The following LIG1 variants were observed in gnomAD, a reference collection of about 807,000 sequenced individuals.
LIG1 encodes the protein DNA ligase 1, also known as ligase I, DNA, ATP-dependent.
In LIG1, 70 loss-of-function variants were observed where a neutral mutation model predicts 115.7. The ratio of observed to expected loss-of-function variants is 0.60; its 90% CI spans 0.50 to 0.74. The LOEUF (loss-of-function observed/expected upper bound fraction) is 0.74. Ranked by LOEUF, LIG1 falls within the 30% of genes least tolerant of loss-of-function variation. The pLI is 0.00. For synonymous variants in LIG1, 487 were observed against 495.3 expected (o/e 0.98, Z 0.22); for missense variants, 1,115 against 1,225.6 (o/e 0.91, Z 1.35).
chr19:48,140,019 G>A lies in LIG1; in HGVS notation c.1039C>T (p.Leu347Phe). 6.2e-7 allele frequency: 1 copy of A among 1,614,150 alleles called. No individual in the cohort carries two copies. The highest frequency in any genetic ancestry group is 8.5e-7 in the Non-Finnish European group (1 of 1,180,052). The change falls in exon 12 of 28, where the codon CTT becomes TTT. Residue 347 changes from leucine (L) to phenylalanine (F), a missense_variant. Coordinates refer to ENST00000263274, the MANE Select transcript of LIG1 (RefSeq NM_000234.3). ...HLGPPQQGLELGVGDGVLLKA... is the reference protein window; with the variant it reads ...HLGPPQQGLEFGVGDGVLLKA... ...AGAAGGACACCATCACCCACGCCAA[G>A]CTCCAGGCCCTGCTGGGGTGGCCCA... is the stretch of plus-strand genomic sequence containing the variant.
intron 1 of LIG1, among the ~76,000 whole-genome samples, chr19:48,169,208 G>A (rs935145490): frequency 6.6e-6 from 1 of 152,194 alleles, no homozygotes; most frequent in Non-Finnish European, 1.5e-5. Context: ...CTGGGGAGGA[G>A]TTCTTATGTG....
chr19:48,144,961 G>T (rs1480075412), intron 9 of LIG1, among the ~76,000 whole-genome samples: 1 of 152,124 alleles, frequency 6.6e-6, no homozygotes, highest in Non-Finnish European at 1.5e-5. Context: ...GCCCAGGCTA[G>T]AGTGCAGTGG....
chr19:48,165,129 C>T (rs940872906), intron 2 of LIG1, among the ~76,000 whole-genome samples: 2 of 152,072 alleles, frequency 1.3e-5, no homozygotes, highest in South Asian at 4.1e-4. Flanking sequence ...CGTGGTGGCA[C>T]GTGCCTATAA....
At position 48,161,408 on chromosome 19, in the gene LIG1, T is replaced by C; in HGVS notation, c.207A>G (p.Glu69=). 1 of 1,614,178 alleles carries C rather than the reference T, an allele frequency of 6.2e-7. No homozygotes were observed. Among genetic ancestry groups the C allele is most frequent in the Non-Finnish European group, 8.5e-7 (1 of 1,180,038 alleles). The change falls in exon 4 of 28, where the codon GAA becomes GAG. Residue 69 remains glutamate, a synonymous_variant. Coordinates refer to ENST00000263274, the MANE Select transcript of LIG1 (RefSeq NM_000234.3). ...CAGGGCTAAGGGCTTCATCCTCCTC[T>C]TCCCCTTCGCTGCCCAGGACCCGGG... ...KAARVLGSEG[E]EEDEALSPAK... is the part of the protein sequence containing the mutation.
chr19:48,151,829 G>A (rs1012232788), intron 6 of LIG1, among the ~76,000 whole-genome samples: 10 of 152,222 alleles, frequency 6.6e-5, no homozygotes, highest in Admixed American at 2.0e-4. Flanking sequence ...CTATGTAGCC[G>A]AGACATAAAT....
At chr19:48,130,207 T>C (rs1286014802) in intron 19 of LIG1, among the ~76,000 whole-genome samples, 1 of 152,218 alleles carries the variant, frequency 6.6e-6, no homozygotes, top group Non-Finnish European at 1.5e-5. Flanking sequence ...TTAAGAAAAT[T>C]GATTTAAAGA....
At chr19:48,120,940 C>T (rs890120750) in intron 24 of LIG1, 39 of 1,379,042 alleles carry the variant, frequency 2.8e-5, no homozygotes, top group Non-Finnish European at 3.4e-5. Context: ...TGTAGCTAAT[C>T]TCAATCTCTC....
At chr19:48,162,662 T>C (rs1273104425) in intron 2 of LIG1, among the ~76,000 whole-genome samples, 1 of 152,142 alleles carries the variant, frequency 6.6e-6, no homozygotes, top group African/African-American at 2.4e-5. Flanking sequence ...CTCGATCTCC[T>C]GACCTTGTGA....
chr19:48,138,801 TTC>T (rs1226560228), intron 12 of LIG1, among the ~76,000 whole-genome samples: 1 of 152,160 alleles, frequency 6.6e-6, no homozygotes, highest in Non-Finnish European at 1.5e-5. Flanking sequence ...TAGTTGGGTT[TTC>T]TGTTACCTGC....
intron 9 of LIG1, among the ~76,000 whole-genome samples, chr19:48,144,319 G>A (rs1037457715): frequency 2.0e-5 from 3 of 152,164 alleles, no homozygotes; most frequent in Non-Finnish European, 2.9e-5. Context: ...AGCAGGGGAC[G>A]AGCATTCCAG....
At chr19:48,170,041 C>T in intron 1 of LIG1, 200 bp downstream of exon 1, 1 of 349,714 alleles carries the variant, frequency 2.9e-6, no homozygotes, top group South Asian at 2.0e-5. Flanking sequence ...ACCTGGCCCC[C>T]CTCCCTCTGG....
At chr19:48,132,381 TA>T (rs1006562685) in intron 18 of LIG1, among the ~76,000 whole-genome samples, 2 of 152,056 alleles carry the variant, frequency 1.3e-5, no homozygotes, top group Non-Finnish European at 2.9e-5. Context: ...GAACGGCTGT[TA>T]AAATGAACAC....
chr19:48,122,427 G>T lies in LIG1; in HGVS notation c.2232+507C>A. The T allele has an allele frequency of 4.8e-6, 1 of 209,292 alleles. No homozygotes were observed. 13.0% of individuals were successfully genotyped at this position (209,292 alleles called of 1,614,324 possible). Reference sequence around the variant, plus strand: ...CTCACCTCCCGCCTCGCCTGCCCTTGCTCCCTGCACACGCAGAGGCTGCTC... The same window carrying T: ...CTCACCTCCCGCCTCGCCTGCCCTTTCTCCCTGCACACGCAGAGGCTGCTC... On this transcript the variant is annotated intron_variant, in intron 23 of 27. Coordinates refer to ENST00000263274, the MANE Select transcript of LIG1 (RefSeq NM_000234.3). The surrounding 1 kb of genome is among the most constrained non-coding windows in gnomAD (Gnocchi z 4.3).
At chr19:48,130,528 G>A (rs1436654708) in intron 19 of LIG1, among the ~76,000 whole-genome samples, 1 of 152,146 alleles carries the variant, frequency 6.6e-6, no homozygotes, top group Non-Finnish European at 1.5e-5. Flanking sequence ...CTCCAAACTC[G>A]TCCTGACTCC....
In LIG1 at chr19:48,122,836, C is replaced by T; in HGVS notation, c.2232+98G>A. The T allele has an allele frequency of 1.8e-6, 2 of 1,108,314 alleles. No individual in the cohort carries two copies. Among genetic ancestry groups the T allele is most frequent in the Non-Finnish European group, 2.8e-6 (2 of 718,718 alleles). The allele number at this position is 1,108,314 out of a possible 1,614,324, so 68.7% of individuals were successfully genotyped here. On this transcript the variant is annotated intron_variant, in intron 23 of 27. Coordinates refer to ENST00000263274, the MANE Select transcript of LIG1 (RefSeq NM_000234.3). This position sits in a 1 kb window ranked among gnomAD's most constrained non-coding sequence, Gnocchi z 4.3. The stretch of plus-strand genomic sequence containing the variant: ...GGATTGTGAAAAGGGGCCCTGAGCT[C>T]AGACAGGGTACACAGTGGAGGCTCG...
intron 21 of LIG1, among the ~76,000 whole-genome samples, chr19:48,124,234 A>T (rs1335880030): frequency 1.3e-5 from 2 of 152,182 alleles, no homozygotes; most frequent in African/African-American, 4.8e-5. Context: ...TTTCTGTTGT[A>T]AAATTGTGCT....
chr19:48,132,799 A>AC (rs1247403437), intron 18 of LIG1, among the ~76,000 whole-genome samples, 183 bp downstream of exon 18: 1 of 144,920 alleles, frequency 6.9e-6, no homozygotes, highest in East Asian at 2.0e-4. Context: ...TCAAAAAAAA[A>AC]AAAAAAAAAA....
chr19:48,118,183 G>A (rs537574879), intron 25 of LIG1, among the ~76,000 whole-genome samples: 3 of 152,200 alleles, frequency 2.0e-5, no homozygotes, highest in Non-Finnish European at 4.4e-5. Context: ...AGAGAGAGAG[G>A]GCAATGGAGA....
rs2035363418 is a variant in LIG1 at position 48,149,988 on chromosome 19, A to C, written c.697+100T>G. 5.0e-6 allele frequency: 8 copies of C among 1,595,920 alleles called. No homozygotes were observed. In the Admixed American group the frequency reaches 1.4e-4, roughly 27 times the overall value. ...AGGCCGACTTTCCAACCAGCAGGAA[A>C]GGAAGAAGGGTCTTCGCAGCATCTC... is the stretch of plus-strand genomic sequence containing the variant. On this transcript the variant is annotated intron_variant, in intron 8 of 27. Transcript: ENST00000263274.
Sources: allele counts gnomAD v4.1 joint callset (sites outside exome capture counted in the v4.1 genomes callset), GRCh38; gene constraint gnomAD v4.1.1; non-coding constraint Gnocchi (gnomAD v3.1); transcripts MANE v1.5; gene names NCBI Gene and HGNC (gene_info 2026-07-23, HGNC 2026-07-21).